Variants in GABRB1 observed in about 807,000 individuals in gnomAD.
GABRB1 encodes gamma-aminobutyric acid receptor subunit beta-1.
In GABRB1, 17 loss-of-function variants were observed where a neutral mutation model predicts 51.6. The ratio of observed to expected loss-of-function variants is 0.33; its 90% CI spans 0.23 to 0.49. GABRB1 has a LOEUF of 0.49. GABRB1 is among the 20% of genes least tolerant of loss of function. The pLI, the probability that GABRB1 is intolerant of heterozygous loss-of-function variation, is 0.99. For missense variants in GABRB1, 410 were observed against 600.6 expected (o/e 0.68, Z 3.32); for synonymous variants, 247 against 218.9 (o/e 1.13, Z -1.14).
chr4:46,998,072 A>T (rs569552253), intron 1 of GABRB1, among the ~76,000 whole-genome samples: 1 of 152,310 alleles, frequency 6.6e-6, no homozygotes, highest in African/African-American at 2.4e-5. Context: ...ATCTGGGGGA[A>T]TTTAACATAT....
At chr4:47,104,690 T>C (rs1397531433) in intron 3 of GABRB1, among the ~76,000 whole-genome samples, 1 of 152,062 alleles carries the variant, frequency 6.6e-6, no homozygotes, top group Non-Finnish European at 1.5e-5. Flanking sequence ...TTACTGATTC[T>C]GTTTTTGGCT....
intron 4 of GABRB1, among the ~76,000 whole-genome samples, chr4:47,297,466 A>G (rs1253171456): frequency 2.0e-5 from 3 of 152,090 alleles, no homozygotes; most frequent in African/African-American, 4.8e-5. Flanking sequence ...ACCATCAGAG[A>G]ATACTACAAA....
chr4:47,078,246 A>G (rs1457974785), intron 3 of GABRB1, among the ~76,000 whole-genome samples: 1 of 151,760 alleles, frequency 6.6e-6, no homozygotes, highest in East Asian at 1.9e-4. Flanking sequence ...CAGCCTCCCA[A>G]AGTGCTGGGA....
intron 3 of GABRB1, among the ~76,000 whole-genome samples, chr4:47,108,897 G>A (rs1479995565): frequency 6.6e-6 from 1 of 151,938 alleles, no homozygotes; most frequent in East Asian, 1.9e-4. Context: ...CTATTATCTG[G>A]AGACATTAAG....
At chr4:47,087,044 C>T (rs1728107299) in intron 3 of GABRB1, among the ~76,000 whole-genome samples, 1 of 152,190 alleles carries the variant, frequency 6.6e-6, no homozygotes. Flanking sequence ...TGGGCTCCAC[C>T]TGGGTATAAC....
At chr4:47,101,524 C>CT (rs1260269636) in intron 3 of GABRB1, among the ~76,000 whole-genome samples, 30 of 151,852 alleles carry the variant, frequency 2.0e-4, no homozygotes, top group South Asian at 4.2e-4. Flanking sequence ...ATTTTAACCT[C>CT]TTTTTTTTGT....
At chr4:47,230,469 A>G (rs1022561465) in intron 4 of GABRB1, among the ~76,000 whole-genome samples, 1 of 152,156 alleles carries the variant, frequency 6.6e-6, no homozygotes, top group African/African-American at 2.4e-5. Flanking sequence ...GAGCAGCAGG[A>G]AGAGAGAGGA....
At chr4:47,019,625 C>CTCTTTCTTTCTT (rs1157555893) in intron 1 of GABRB1, among the ~76,000 whole-genome samples, 4,455 of 91,040 alleles carry the variant, frequency 0.049, 192 homozygotes, top group Admixed American at 0.1. Flanking sequence ...TTCTTTCTCT[C>CTCTTTCTTTCTT]TCTTTCTTTC....
intron 5 of GABRB1, among the ~76,000 whole-genome samples, chr4:47,329,787 A>G (rs912979871): frequency 6.6e-6 from 1 of 150,836 alleles, no homozygotes; most frequent in Admixed American, 6.6e-5. Flanking sequence ...ATAGATATAT[A>G]TACAGAGAGA....
At chr4:47,325,403 C>A (rs1725226042) in intron 5 of GABRB1, among the ~76,000 whole-genome samples, 1 of 150,256 alleles carries the variant, frequency 6.7e-6, no homozygotes, top group African/African-American at 2.5e-5. Flanking sequence ...CCATTGCACT[C>A]CAGCCTGAGG....
chr4:47,210,320 A>G (rs1578003700), intron 4 of GABRB1, among the ~76,000 whole-genome samples: 1 of 152,192 alleles, frequency 6.6e-6, no homozygotes, highest in South Asian at 2.1e-4. Flanking sequence ...GCTGAAATGC[A>G]CACAGAGACT....
At chr4:47,177,886 G>A (rs1362977633) in intron 4 of GABRB1, among the ~76,000 whole-genome samples, 1 of 139,872 alleles carries the variant, frequency 7.1e-6, no homozygotes, top group Non-Finnish European at 1.5e-5. Context: ...CACTAGGAAT[G>A]TTTGTTAAAC....
chr4:47,086,098 C>T (rs1728045711), intron 3 of GABRB1, among the ~76,000 whole-genome samples: 1 of 152,172 alleles, frequency 6.6e-6, no homozygotes, highest in Non-Finnish European at 1.5e-5. Flanking sequence ...CTCTTTTATC[C>T]TCATGGGTTT....
At chr4:47,153,808 G>C (rs945816515) in intron 3 of GABRB1, among the ~76,000 whole-genome samples, 3 of 151,974 alleles carry the variant, frequency 2.0e-5, no homozygotes, top group Non-Finnish European at 4.4e-5. Context: ...TACACAGTTG[G>C]GTAGACCAAA....
intron 3 of GABRB1, among the ~76,000 whole-genome samples, chr4:47,110,911 T>A (rs900960022): frequency 6.6e-6 from 1 of 152,202 alleles, no homozygotes; most frequent in Non-Finnish European, 1.5e-5. Context: ...CCTATATTTC[T>A]CTGAAGAAGC....
chr4:47,366,011 T>A (rs1473204219), intron 5 of GABRB1, among the ~76,000 whole-genome samples: 1 of 152,186 alleles, frequency 6.6e-6, no homozygotes, highest in African/African-American at 2.4e-5. Flanking sequence ...GCCATCTGTT[T>A]CCTGCTGGGA....
At chr4:47,383,064 T>C (rs1727649523) in intron 5 of GABRB1, among the ~76,000 whole-genome samples, 1 of 152,170 alleles carries the variant, frequency 6.6e-6, no homozygotes, top group Non-Finnish European at 1.5e-5. Context: ...CAAACAACTG[T>C]GAACTGTCAG....
intron 3 of GABRB1, among the ~76,000 whole-genome samples, chr4:47,068,779 C>A (rs1377650214): frequency 6.6e-6 from 1 of 151,872 alleles, no homozygotes; most frequent in Non-Finnish European, 1.5e-5. Context: ...ATGAGAATTG[C>A]CAGAATGTAA....
At chr4:47,344,868 G>T (rs1173921046) in intron 5 of GABRB1, among the ~76,000 whole-genome samples, 1 of 151,990 alleles carries the variant, frequency 6.6e-6, no homozygotes, top group African/African-American at 2.4e-5. Context: ...GACTACAGGT[G>T]TGCACCACCA....
Sources: gnomAD v4.1 joint callset for allele counts (sites outside exome capture counted in the v4.1 genomes callset) on GRCh38, gnomAD v4.1.1 for gene constraint, MANE v1.5 for transcripts, NCBI Gene and HGNC (gene_info 2026-07-23, HGNC 2026-07-21) for gene names.